Variants in DLEU7 observed in about 807,000 individuals in gnomAD.
The protein encoded by DLEU7 is leukemia-associated protein 7.
In DLEU7, 17 loss-of-function variants were observed where a neutral mutation model predicts 16.0. That is an observed-to-expected ratio of 1.06 (90% CI 0.73 to 1.59). The LOEUF (loss-of-function observed/expected upper bound fraction) is 1.59. Ranked by LOEUF, DLEU7 falls within the 40% of genes most tolerant of loss-of-function variation. DLEU7 has a pLI of 0.00. For missense variants in DLEU7, 308 were observed against 314.9 expected (o/e 0.98, Z 0.17); for synonymous variants, 113 against 139.8 (o/e 0.81, Z 1.35).
intron 1 of DLEU7, among the ~76,000 whole-genome samples, chr13:50,812,069 CAAA>C (rs35178818): frequency 0.018 from 1,860 of 104,534 alleles, 25 homozygotes; most frequent in South Asian, 0.048. Flanking sequence ...GATTCCATCT[CAAA>C]AAAAAAAAAA....
At chr13:50,824,123 T>C (rs561272521) in intron 1 of DLEU7, among the ~76,000 whole-genome samples, 54 of 152,340 alleles carry the variant, frequency 3.5e-4, no homozygotes, top group South Asian at 2.1e-3. Context: ...ATACTCACTG[T>C]GTTCGGTAGT....
chr13:50,794,752 A>G (rs1876061646), intron 1 of DLEU7, among the ~76,000 whole-genome samples: 1 of 152,156 alleles, frequency 6.6e-6, no homozygotes, highest in Non-Finnish European at 1.5e-5. Context: ...TGAGGCTCAA[A>G]TGATTAATTT....
intron 1 of DLEU7, among the ~76,000 whole-genome samples, chr13:50,753,764 G>A (rs538210181): frequency 2.2e-4 from 34 of 152,306 alleles, no homozygotes; most frequent in African/African-American, 3.4e-4. Flanking sequence ...ACAGTGCAGC[G>A]GTAGGCTGAA....
At chr13:50,835,612 C>A (rs1168646761) in intron 1 of DLEU7, among the ~76,000 whole-genome samples, 1 of 152,186 alleles carries the variant, frequency 6.6e-6, no homozygotes, top group Non-Finnish European at 1.5e-5. Context: ...GGCATCGAAC[C>A]TTCTACACCC....
intron 1 of DLEU7, among the ~76,000 whole-genome samples, chr13:50,769,619 G>GGC (rs891036490): frequency 6.6e-6 from 1 of 152,064 alleles, no homozygotes; most frequent in African/African-American, 2.4e-5. Context: ...TTATTTCTGA[G>GGC]GCCTCTGCTC....
At chr13:50,831,415 C>T (rs936863623) in intron 1 of DLEU7, among the ~76,000 whole-genome samples, 1 of 152,100 alleles carries the variant, frequency 6.6e-6, no homozygotes, top group East Asian at 1.9e-4. Flanking sequence ...TGGAGGAACG[C>T]ATTATTTGGC....
At chr13:50,713,350 G>T (rs937758007) in intron 1 of DLEU7, 2 of 1,339,240 alleles carry the variant, frequency 1.5e-6, no homozygotes, top group East Asian at 5.0e-5. Flanking sequence ...ATGGCATTAG[G>T]TACTGGAGAT....
intron 1 of DLEU7, among the ~76,000 whole-genome samples, chr13:50,741,020 C>A (rs1465387395): frequency 6.6e-6 from 1 of 152,150 alleles, no homozygotes; most frequent in Admixed American, 6.5e-5. Flanking sequence ...GCTTCCCCAT[C>A]AAAATCTGTC....
At chr13:50,717,621 G>A (rs1873476745) in intron 1 of DLEU7, among the ~76,000 whole-genome samples, 1 of 149,848 alleles carries the variant, frequency 6.7e-6, no homozygotes, top group African/African-American at 2.5e-5. Flanking sequence ...TTCATTTTAT[G>A]GTAAGGAGCA....
At chr13:50,722,366 T>G (rs1593527828) in intron 1 of DLEU7, among the ~76,000 whole-genome samples, 1 of 152,366 alleles carries the variant, frequency 6.6e-6, no homozygotes, top group East Asian at 1.9e-4. Flanking sequence ...ACTTCTTCTC[T>G]ATTACACTAT....
chr13:50,837,627 C>T (rs1877514667), intron 1 of DLEU7, among the ~76,000 whole-genome samples: 1 of 152,096 alleles, frequency 6.6e-6, no homozygotes, highest in Admixed American at 6.5e-5. Flanking sequence ...TAACCGTGAG[C>T]ATTTATGTCT....
intron 1 of DLEU7, among the ~76,000 whole-genome samples, chr13:50,754,316 A>C (rs1370528005): frequency 6.6e-6 from 1 of 152,108 alleles, no homozygotes; most frequent in African/African-American, 2.4e-5. Flanking sequence ...CTCATTTCTT[A>C]GGTCTATTAG....
intron 1 of DLEU7, among the ~76,000 whole-genome samples, chr13:50,831,431 G>A (rs1283599298): frequency 6.6e-6 from 1 of 152,150 alleles, no homozygotes; most frequent in African/African-American, 2.4e-5. Flanking sequence ...TTGGCTTATA[G>A]GCCCCTGTAA....
intron 1 of DLEU7, among the ~76,000 whole-genome samples, chr13:50,732,606 C>CAAAAAAAAAAAAAAAAAAAA (rs58395582): frequency 7.6e-5 from 5 of 65,938 alleles, no homozygotes; most frequent in Non-Finnish European, 1.0e-4. Flanking sequence ...GACTCCATCT[C>CAAAAAAAAAAAAAAAAAAAA]AAAAAAAAAA....
intron 1 of DLEU7, among the ~76,000 whole-genome samples, chr13:50,771,243 T>C (rs949835718): frequency 7.2e-5 from 11 of 152,090 alleles, no homozygotes; most frequent in Middle Eastern, 3.2e-3. Flanking sequence ...TTTTGAAGGA[T>C]TTTTTTGTGT....
chr13:50,765,418 G>A (rs780317135), intron 1 of DLEU7, among the ~76,000 whole-genome samples: 92 of 152,146 alleles, frequency 6.0e-4, no homozygotes, highest in Non-Finnish European at 1.1e-3. Context: ...CAAGGGAAGA[G>A]AAAATGAGGA....
chr13:50,834,809 T>G (rs1281149485), intron 1 of DLEU7, among the ~76,000 whole-genome samples: 1 of 152,064 alleles, frequency 6.6e-6, no homozygotes, highest in African/African-American at 2.4e-5. Flanking sequence ...CCATCAATGA[T>G]AGACTGGATA....
chr13:50,763,810 C>G (rs1875016869), intron 1 of DLEU7, among the ~76,000 whole-genome samples: 1 of 152,172 alleles, frequency 6.6e-6, no homozygotes, highest in Admixed American at 6.5e-5. Context: ...GAAGCCAACC[C>G]CATCATCACT....
chr13:50,786,741 T>G (rs1875802953), intron 1 of DLEU7, among the ~76,000 whole-genome samples: 2 of 152,212 alleles, frequency 1.3e-5, no homozygotes, highest in Non-Finnish European at 2.9e-5. Context: ...TTTTAACTCT[T>G]TGTGTGAGTT....
Sources: gnomAD v4.1 joint callset for allele counts (sites outside exome capture counted in the v4.1 genomes callset) on GRCh38, gnomAD v4.1.1 for gene constraint, MANE v1.5 for transcripts, NCBI Gene and HGNC (gene_info 2026-07-23, HGNC 2026-07-21) for gene names.